The following BABAM2 variants were observed in gnomAD, a reference collection of about 807,000 sequenced individuals.
BABAM2 encodes BRISC and BRCA1-A complex member 2.
In BABAM2, 31 loss-of-function variants were observed where a neutral mutation model predicts 54.7. The ratio of observed to expected loss-of-function variants is 0.57; its 90% CI spans 0.43 to 0.77. The LOEUF is 0.77. BABAM2 is among the 30% of genes least tolerant of loss of function. The pLI, the probability that BABAM2 is intolerant of heterozygous loss-of-function variation, is 0.00. For missense variants in BABAM2, 364 were observed against 455.8 expected (o/e 0.80, Z 1.83); for synonymous variants, 167 against 162.9 (o/e 1.03, Z -0.19).
chr2:28,104,199 A>G (rs973699468), intron 6 of BABAM2, among the ~76,000 whole-genome samples: 4 of 152,250 alleles, frequency 2.6e-5, no homozygotes, highest in African/African-American at 9.6e-5. Flanking sequence ...AATGGGATCT[A>G]ATTAAACTGA....
At chr2:28,056,741 A>T (rs566831728) in intron 6 of BABAM2, among the ~76,000 whole-genome samples, 8 of 152,346 alleles carry the variant, frequency 5.3e-5, no homozygotes, top group African/African-American at 1.7e-4. Context: ...AATTATTTTG[A>T]CCACTAAATA....
chr2:27,976,267 G>C (rs1234884573), intron 3 of BABAM2, among the ~76,000 whole-genome samples: 3 of 152,030 alleles, frequency 2.0e-5, no homozygotes, highest in Non-Finnish European at 2.9e-5. Flanking sequence ...GTTTGTAGCA[G>C]CATCATTCAT....
chr2:28,140,042 A>G (rs1341860574), intron 7 of BABAM2, among the ~76,000 whole-genome samples: 1 of 152,098 alleles, frequency 6.6e-6, no homozygotes, highest in Non-Finnish European at 1.5e-5. Context: ...TTTCCTCGTA[A>G]ATGATCACTC....
chr2:28,094,369 AAT>A (rs1421129069), intron 6 of BABAM2, among the ~76,000 whole-genome samples: 2 of 152,138 alleles, frequency 1.3e-5, no homozygotes, highest in African/African-American at 4.8e-5. Context: ...TTAAAAATTA[AAT>A]ATAGATAGAT....
intron 9 of BABAM2, among the ~76,000 whole-genome samples, chr2:28,244,137 C>T (rs1026473325): frequency 1.3e-5 from 2 of 152,088 alleles, no homozygotes; most frequent in Non-Finnish European, 2.9e-5. Flanking sequence ...TTCCTGAACC[C>T]AGCATCCACC....
rs576002919 is a variant in BABAM2 at position 28,304,003 on chromosome 2, C to T, written c.1088+5512C>T. Among the ~76,000 whole-genome samples, 2 of 152,192 alleles carry T rather than the reference C, an allele frequency of 1.3e-5. No individual in the cohort carries two copies. Among genetic ancestry groups the T allele is most frequent in the South Asian group, 4.1e-4 (2 of 4,824 alleles). ...TCAAAAGATTCTTGTGCCTCAGCCT[C>T]CTGAGTACCCAGGACTACAGACGTG... On this transcript the variant is annotated intron_variant, in intron 11 of 11. Coordinates refer to ENST00000379624, the MANE Select transcript of BABAM2 (RefSeq NM_199191.3). This position sits in a 1 kb window ranked among gnomAD's most constrained non-coding sequence, Gnocchi z 4.0.
At chr2:27,890,389 C>T, upstream of BABAM2, 1 of 1,567,664 alleles carries the variant, frequency 6.4e-7, no homozygotes, top group Non-Finnish European at 8.7e-7. This position sits in a 1 kb window ranked among gnomAD's most constrained non-coding sequence, Gnocchi z 4.8. Flanking sequence ...GACCTCTGCC[C>T]TTTGCCCGAC....
chr2:28,075,038 T>A (rs1218145409), intron 6 of BABAM2, among the ~76,000 whole-genome samples: 1 of 152,130 alleles, frequency 6.6e-6, no homozygotes, highest in African/African-American at 2.4e-5. Flanking sequence ...AGTCACAGAT[T>A]TTTTTCAGTT....
At chr2:27,893,037 C>T (rs1420831752) in intron 1 of BABAM2, among the ~76,000 whole-genome samples, 1 of 152,092 alleles carries the variant, frequency 6.6e-6, no homozygotes, top group African/African-American at 2.4e-5. Context: ...TTTTAATTTT[C>T]AACATTTATT....
chr2:28,035,973 G>A (rs745339452), intron 5 of BABAM2, among the ~76,000 whole-genome samples: 4 of 152,096 alleles, frequency 2.6e-5, no homozygotes, highest in Non-Finnish European at 4.4e-5. Flanking sequence ...GGAAGCATAC[G>A]AAACACAAAG....
intron 6 of BABAM2, among the ~76,000 whole-genome samples, chr2:28,059,938 G>A (rs1173646852): frequency 2.0e-5 from 3 of 152,106 alleles, no homozygotes; most frequent in South Asian, 2.1e-4. Flanking sequence ...ATTTAAGGAA[G>A]AAATAGTATA....
At chr2:28,114,043 T>G (rs1247843515) in intron 6 of BABAM2, among the ~76,000 whole-genome samples, 1 of 152,200 alleles carries the variant, frequency 6.6e-6, no homozygotes. Context: ...GAGCTATTTA[T>G]GATAAACACA....
At chr2:28,317,199 T>G (rs938283177) in intron 11 of BABAM2, among the ~76,000 whole-genome samples, 7 of 152,202 alleles carry the variant, frequency 4.6e-5, no homozygotes, top group African/African-American at 1.7e-4. Context: ...GCCTCCTCAC[T>G]GCTTTCTTTG....
intron 5 of BABAM2, among the ~76,000 whole-genome samples, chr2:28,045,436 T>G (rs1677487291): frequency 6.6e-6 from 1 of 152,222 alleles, no homozygotes; most frequent in Admixed American, 6.5e-5. Flanking sequence ...TCATATATTC[T>G]TTTCATACTT....
chr2:28,246,474 G>A (rs77167439), intron 10 of BABAM2, among the ~76,000 whole-genome samples: 2,059 of 152,254 alleles, frequency 0.014, 48 homozygotes, highest in African/African-American at 0.046. Context: ...GTTGTCTGGT[G>A]TGATTATCCT....
chr2:28,196,876 ACT>A (rs1677637399), intron 7 of BABAM2, among the ~76,000 whole-genome samples: 1 of 76,816 alleles, frequency 1.3e-5, no homozygotes, highest in South Asian at 4.7e-4. Flanking sequence ...GGAGGGTCTT[ACT>A]CTGTCACTCA....
chr2:28,187,617 A>T (rs1471536235), intron 7 of BABAM2, among the ~76,000 whole-genome samples: 1 of 151,786 alleles, frequency 6.6e-6, no homozygotes, highest in East Asian at 1.9e-4. Flanking sequence ...ACACACTCAC[A>T]TACACAATAT....
intron 5 of BABAM2, among the ~76,000 whole-genome samples, chr2:28,030,565 A>G (rs913781202): frequency 1.3e-5 from 2 of 152,296 alleles, no homozygotes; most frequent in East Asian, 1.9e-4. Flanking sequence ...GGATGAACAA[A>G]TTAGAGCTTG....
chr2:28,276,136 C>T (rs981984101), intron 10 of BABAM2, among the ~76,000 whole-genome samples: 13 of 151,742 alleles, frequency 8.6e-5, no homozygotes, highest in Non-Finnish European at 7.4e-5. Flanking sequence ...GACTCACTTG[C>T]GTAGATGAAG....
Sources: allele counts gnomAD v4.1 joint callset (sites outside exome capture counted in the v4.1 genomes callset), GRCh38; gene constraint gnomAD v4.1.1; non-coding constraint Gnocchi (gnomAD v3.1); transcripts MANE v1.5; gene names NCBI Gene and HGNC (gene_info 2026-07-23, HGNC 2026-07-21).